The following ARHGAP20 variants were observed in gnomAD, a reference collection of about 807,000 sequenced individuals.
ARHGAP20 encodes the protein rho GTPase-activating protein 20.
Under a neutral mutation model 73.7 loss-of-function variants are expected in ARHGAP20, and 34 were observed. The observed-to-expected ratio is 0.46, with a 90% CI of 0.35 to 0.61. The LOEUF (loss-of-function observed/expected upper bound fraction) is 0.61. Ranked by LOEUF, ARHGAP20 falls within the 20% of genes least tolerant of loss-of-function variation. ARHGAP20 has a pLI of 0.00. For missense variants in ARHGAP20, 1,314 were observed against 1,420.9 expected, an observed-to-expected ratio of 0.92 and a Z score of 1.21; for synonymous variants, 523 against 518.2, an observed-to-expected ratio of 1.01 and a Z score of -0.13.
Position 110,614,546 on chromosome 11 carries a change from C to T in ARHGAP20, c.630+15G>A. ...AGGGACTTGGAATTTAATTTTCTGGCTTAGAAACACTTACGTAGGCACAAT... is the reference window on the plus strand; with the variant it reads ...AGGGACTTGGAATTTAATTTTCTGGTTTAGAAACACTTACGTAGGCACAAT... On this transcript the variant is annotated intron_variant, in intron 6 of 14. Coordinates refer to ENST00000683387, the MANE Select transcript of ARHGAP20 (RefSeq NM_001384657.1). 1.2e-6 allele frequency: 2 copies of T among 1,605,544 alleles called. No homozygotes were observed. Among genetic ancestry groups the T allele is most frequent in the Non-Finnish European group, 1.7e-6 (2 of 1,172,642 alleles).
intron 2 of ARHGAP20, among the ~76,000 whole-genome samples, chr11:110,665,597 G>C (rs1257214241): frequency 6.6e-6 from 1 of 152,162 alleles, no homozygotes; most frequent in Non-Finnish European, 1.5e-5. Context: ...AGCTTGAGGA[G>C]ACAGAGTTGA....
At chr11:110,611,267 A>C (rs753320594) in intron 7 of ARHGAP20, 42 bp downstream of exon 7, 1 of 1,284,848 alleles carries the variant, frequency 7.8e-7, no homozygotes. Flanking sequence ...TTAAATAATC[A>C]AAGTTTATTT....
At chr11:110,583,334 G>GTGTT (rs1285267467) in intron 13 of ARHGAP20, among the ~76,000 whole-genome samples, 1 of 152,090 alleles carries the variant, frequency 6.6e-6, no homozygotes, top group Non-Finnish European at 1.5e-5. Flanking sequence ...TTTAATCATG[G>GTGTT]TGTTTAGCCT....
At chr11:110,655,211 C>T (rs1266437326) in intron 2 of ARHGAP20, among the ~76,000 whole-genome samples, 1 of 152,162 alleles carries the variant, frequency 6.6e-6, no homozygotes, top group Non-Finnish European at 1.5e-5. Flanking sequence ...ATCAGAGTCC[C>T]TTCTTTCATG....
intron 2 of ARHGAP20, among the ~76,000 whole-genome samples, chr11:110,666,519 C>T (rs1344544096): frequency 6.6e-6 from 1 of 152,144 alleles, no homozygotes; most frequent in East Asian, 1.9e-4. Flanking sequence ...CCAAAGTAGA[C>T]TAACACTTAC....
chr11:110,607,104 A>G (rs1243697131), intron 8 of ARHGAP20, among the ~76,000 whole-genome samples: 1 of 152,202 alleles, frequency 6.6e-6, no homozygotes, highest in Non-Finnish European at 1.5e-5. Context: ...AACTAGATAT[A>G]TAAATTTTCA....
intron 4 of ARHGAP20, among the ~76,000 whole-genome samples, chr11:110,619,643 GAT>G (rs1164581041): frequency 6.6e-6 from 1 of 151,802 alleles, no homozygotes; most frequent in African/African-American, 2.4e-5. Context: ...TATATGCAGT[GAT>G]AGAGTATATG....
intron 1 of ARHGAP20, among the ~76,000 whole-genome samples, chr11:110,708,777 C>T (rs1290931813): frequency 3.3e-5 from 5 of 152,186 alleles, no homozygotes; most frequent in Admixed American, 6.5e-5. Flanking sequence ...TGGGGGATGA[C>T]GAATATATTC....
chr11:110,619,706 A>G lies in ARHGAP20; in HGVS notation c.504-4112T>C, dbSNP rs2055776. Among the ~76,000 whole-genome samples the G allele has an allele frequency of 3.2e-3, 333 of 104,966 alleles. 7 individuals are homozygous for G. The highest frequency in any genetic ancestry group is 9.7e-3 in the African/African-American group (291 of 30,056). The allele number at this position is 104,966 out of a possible 152,430, so 68.9% of individuals were successfully genotyped here. A position where few individuals can be genotyped will look rare whatever the true frequency, so the allele number is the denominator to read the frequency against. The stretch of plus-strand genomic sequence containing the variant: ...GAGTATATGTAGTGATAGAGTATAT[A>G]CAGTGATAGAGTATATGTAGTGATA... On this transcript the variant is annotated intron_variant, in intron 4 of 14. Coordinates refer to ENST00000683387, the MANE Select transcript of ARHGAP20 (RefSeq NM_001384657.1).
chr11:110,683,818 A>G (rs1043365432), intron 2 of ARHGAP20, among the ~76,000 whole-genome samples: 1 of 152,182 alleles, frequency 6.6e-6, no homozygotes, highest in East Asian at 1.9e-4. Context: ...ATTTTTAACT[A>G]TACAATTCTC....
intron 2 of ARHGAP20, among the ~76,000 whole-genome samples, chr11:110,639,579 T>C (rs11819998): frequency 0.021 from 3,243 of 152,116 alleles, 91 homozygotes; most frequent in African/African-American, 0.068. Context: ...AAGCAGTCTA[T>C]AAGCTTTTCT....
intron 9 of ARHGAP20, among the ~76,000 whole-genome samples, chr11:110,602,477 G>GA (rs1948134549): frequency 6.6e-6 from 1 of 152,074 alleles, no homozygotes; most frequent in Non-Finnish European, 1.5e-5. Flanking sequence ...TATTTAAAAT[G>GA]AAATATATCA....
At chr11:110,662,261 A>C (rs1184804714) in intron 2 of ARHGAP20, among the ~76,000 whole-genome samples, 1 of 151,932 alleles carries the variant, frequency 6.6e-6, no homozygotes, top group African/African-American at 2.4e-5. Flanking sequence ...ATCTGAATAC[A>C]TCTTGTTTTA....
chr11:110,607,038 T>C (rs1272233444), intron 8 of ARHGAP20, among the ~76,000 whole-genome samples: 1 of 152,164 alleles, frequency 6.6e-6, no homozygotes, highest in African/African-American at 2.4e-5. Context: ...ATGCTGACTT[T>C]TCCAACACGT....
intron 3 of ARHGAP20, among the ~76,000 whole-genome samples, chr11:110,630,268 G>T (rs767588822): frequency 3.9e-5 from 6 of 151,982 alleles, no homozygotes; most frequent in Non-Finnish European, 8.8e-5. Flanking sequence ...ACTTCACCCA[G>T]CACCCTATTT....
intron 2 of ARHGAP20, among the ~76,000 whole-genome samples, chr11:110,683,221 CTAAA>C (rs1223295546): frequency 6.6e-6 from 1 of 152,004 alleles, no homozygotes; most frequent in Non-Finnish European, 1.5e-5. Context: ...GAATTCATTC[CTAAA>C]TAAACAATGA....
Position 110,624,143 on chromosome 11 carries a change from G to A in ARHGAP20, c.503+19C>T. The A allele has an allele frequency of 1.2e-6, 2 of 1,604,792 alleles. No homozygotes were observed. Among genetic ancestry groups the A allele is most frequent in the South Asian group, 2.3e-5 (2 of 88,166 alleles). On this transcript the variant is annotated intron_variant, in intron 4 of 14. Transcript: ENST00000683387. ...TAGTAGCTAACCCAGGTAAATAGAG[G>A]ACAAGCTGTGGTTCTTACCTGAAAG... is the stretch of plus-strand genomic sequence containing the variant.
intron 12 of ARHGAP20, among the ~76,000 whole-genome samples, chr11:110,584,720 C>G (rs1025774610): frequency 6.6e-6 from 1 of 151,960 alleles, no homozygotes; most frequent in African/African-American, 2.4e-5. Flanking sequence ...AGCAGTGCAT[C>G]TAATACTTGT....
chr11:110,610,918 T>C (rs916094615), intron 7 of ARHGAP20, among the ~76,000 whole-genome samples: 1 of 152,056 alleles, frequency 6.6e-6, no homozygotes, highest in Non-Finnish European at 1.5e-5. Flanking sequence ...GATTGAGTCT[T>C]GGGATAATAA....
Sources: gnomAD v4.1 joint callset for allele counts (sites outside exome capture counted in the v4.1 genomes callset) on GRCh38, gnomAD v4.1.1 for gene constraint, MANE v1.5 for transcripts, NCBI Gene and HGNC (gene_info 2026-07-23, HGNC 2026-07-21) for gene names.